KCNK7: variants seen among roughly 807,000 people sequenced by gnomAD.
KCNK7 encodes potassium two pore domain channel subfamily K member 7, also known as potassium channel subfamily K member 7.
In KCNK7, 14 loss-of-function variants were observed where a neutral mutation model predicts 18.1. The ratio of observed to expected loss-of-function variants is 0.77; its 90% CI spans 0.51 to 1.21. The LOEUF is 1.21. Ranked by LOEUF, KCNK7 falls within the 50% of genes most tolerant of loss-of-function variation. KCNK7 has a pLI of 0.00. For synonymous variants in KCNK7, 188 were observed against 184.7 expected (o/e 1.02, Z -0.15); for missense variants, 385 against 387.3 (o/e 0.99, Z 0.05).
Position 65,592,867 on chromosome 11 carries a change from TTA to T in KCNK7, c.*136_*137del. 2.0e-6 allele frequency: 2 copies of T among 996,970 alleles called. No homozygotes were observed. Among genetic ancestry groups the T allele is most frequent in the Non-Finnish European group, 2.9e-6 (2 of 699,460 alleles). 61.8% of individuals were successfully genotyped at this position (996,970 alleles called of 1,614,324 possible). A position where few individuals can be genotyped will look rare whatever the true frequency, so the allele number is the denominator to read the frequency against. Reference sequence around the variant, plus strand: ...AAAATAGCCGAAGTCGTTGCTCATTTTATGATTAACAGTATCCTCTGAGGCCT... The same window carrying T: ...AAAATAGCCGAAGTCGTTGCTCATTTTGATTAACAGTATCCTCTGAGGCCT... On this transcript the variant is annotated 3_prime_UTR_variant, in exon 3 of 3. Transcript: ENST00000340313.
chr11:65,593,756 A>AAT lies in KCNK7; in HGVS notation c.437_438insAT (p.Val147LeufsTer10). The AAT allele has an allele frequency of 6.2e-7, 1 of 1,611,298 alleles. No homozygotes were observed. Among genetic ancestry groups the AAT allele is most frequent in the Non-Finnish European group, 8.5e-7 (1 of 1,179,270 alleles). On this transcript the variant is annotated frameshift_variant, in exon 2 of 3. Transcript: ENST00000340313. LOFTEE classifies it high-confidence loss of function. ...CCCAGGCACGTGGGCGGCTGAGCAC[A>AAT]GGCAGCAGGCAATGGCGCAGGGTGG...
At chr11:65,593,973 C>G in intron 1 of KCNK7, 99 bp from the exon 2 acceptor site, 6 of 1,334,978 alleles carry the variant, frequency 4.5e-6, no homozygotes, top group Non-Finnish European at 5.9e-6. Context: ...AGGCTGCCCT[C>G]TGGTGGCCTT....
chr11:65,593,706 G>T lies in KCNK7; in HGVS notation c.488C>A (p.Pro163Gln), dbSNP rs371448519. ...TGCCTGCAGCAGCGCAGCCCTGGCC[G>T]GTGACAGCTGCCAGTGGACCGCTAC... ...AWVAVHWQLSPARAALLQAVA... is the reference protein window; with the variant it reads ...AWVAVHWQLSQARAALLQAVA... Residue 163 changes from proline (P) to glutamine (Q), a missense_variant, in exon 2 of 3, where the codon CCG (proline) becomes CAG (glutamine). Pro to Gln is a moderately conservative substitution (Grantham distance 76). Coordinates refer to ENST00000340313, the MANE Select transcript of KCNK7 (RefSeq NM_033347.2). 1.2e-6 allele frequency: 2 copies of T among 1,608,634 alleles called. No homozygotes were observed. Among genetic ancestry groups the T allele is most frequent in the Non-Finnish European group, 1.7e-6 (2 of 1,179,180 alleles).
At position 65,592,842 on chromosome 11, in the gene KCNK7, A is replaced by G; in HGVS notation, c.*163T>C. On this transcript the variant is annotated 3_prime_UTR_variant, in exon 3 of 3. Transcript: ENST00000340313. The stretch of plus-strand genomic sequence containing the variant: ...AGGGAAGTCCCATTCGAAATAGTTG[A>G]AAATAGCCGAAGTCGTTGCTCATTT... 1 of 864,814 alleles carries G rather than the reference A, an allele frequency of 1.2e-6. No homozygotes were observed. Among genetic ancestry groups the G allele is most frequent in the East Asian group, 2.7e-5 (1 of 37,090 alleles). 53.6% of individuals were successfully genotyped at this position (864,814 alleles called of 1,614,324 possible).
rs766504198 is a variant in KCNK7 at position 65,595,701 on chromosome 11, C to G, written c.72G>C (p.Gly24=). 9 of 1,596,730 alleles carry G rather than the reference C, an allele frequency of 5.6e-6. No homozygotes were observed. The highest frequency in any genetic ancestry group is 1.7e-5 in the Admixed American group (1 of 58,314). The change falls in exon 1 of 3, where the codon GGG becomes GGC. Residue 24 remains glycine, a synonymous_variant. Transcript: ENST00000340313. ...CCTCCAGGGCCTGGAACACCACAGCCCCAAGCCCCAGGGCCAGCAAGTGGG... is the reference window on the plus strand; with the variant it reads ...CCTCCAGGGCCTGGAACACCACAGCGCCAAGCCCCAGGGCCAGCAAGTGGG... ...VVAHLLALGL[G]AVVFQALEGP...
At position 65,592,984 on chromosome 11, in the gene KCNK7, T is replaced by A; in HGVS notation, c.*21A>T. 6.2e-7 allele frequency: 1 copy of A among 1,609,136 alleles called. No homozygotes were observed. Among genetic ancestry groups the A allele is most frequent in the Non-Finnish European group, 8.5e-7 (1 of 1,178,186 alleles). On this transcript the variant is annotated 3_prime_UTR_variant, in exon 3 of 3. Transcript: ENST00000340313. ...CTCAGGTGCCGCCACCTTACGGAGC[T>A]GAACTCGGTCACCTGACGCTTCAGC...
rs1858456191 is a variant in KCNK7, at chr11:65,593,210, C to T, written c.719G>A (p.Gly240Asp). 18 of 1,613,128 alleles carry T rather than the reference C, an allele frequency of 1.1e-5. No individual in the cohort carries two copies. The highest frequency in any genetic ancestry group is 2.2e-5 in the South Asian group (2 of 90,908). The change falls in exon 3 of 3, where the codon GGT becomes GAT. Residue 240 changes from glycine (G) to aspartate (D), a missense_variant and splice_region_variant. By Grantham distance (94) the Gly-to-Asp change is moderately conservative. Transcript: ENST00000340313. Reference sequence around the variant, plus strand: ...GGCCAAGAGTCCTAGAAGCAAGTAACCTGGGGAGGAGAAGGTGCTGGGGCA... The same window carrying T: ...GGCCAAGAGTCCTAGAAGCAAGTAATCTGGGGAGGAGAAGGTGCTGGGGCA... Reference protein sequence around the residue: ...IYHLGQLALLGYLLLGLLAML... With the variant: ...IYHLGQLALLDYLLLGLLAML...
Position 65,594,443 on chromosome 11 carries a change from A to G in KCNK7, c.320-569T>C, listed in dbSNP as rs191519144. On this transcript the variant is annotated intron_variant, in intron 1 of 2. Transcript: ENST00000340313. ...CGGAGCCAGATGGGAGACAAACAGG[A>G]GTGGTGGGGACAGGGGTACACTGGA... Among the ~76,000 whole-genome samples the G allele has an allele frequency of 8.5e-5, 13 of 152,222 alleles. No individual in the cohort carries two copies. In the East Asian group the frequency reaches 2.5e-3, roughly 30 times the overall value.
intron 1 of KCNK7, 137 bp from the exon 2 acceptor site, chr11:65,594,011 G>T: frequency 2.3e-6 from 2 of 874,366 alleles, no homozygotes; most frequent in Non-Finnish European, 3.3e-6. Context: ...GTTCTAGCTG[G>T]CTCTGCTCCT....
At position 65,593,716 on chromosome 11, in the gene KCNK7, G is replaced by C. The variant is rs907578813; in HGVS notation, c.478C>G (p.Gln160Glu). ...AGCGCAGCCCTGGCCGGTGACAGCT[G>C]CCAGTGGACCGCTACCCAGGCACGT... ...RPRAWVAVHW[Q>E]LSPARAALLQ... is the part of the protein sequence containing the mutation. Residue 160 changes from glutamine to glutamate, a missense_variant, in exon 2 of 3, where the codon CAG (glutamine) becomes GAG (glutamate). Transcript: ENST00000340313. 6.8e-6 allele frequency: 11 copies of C among 1,609,548 alleles called. No homozygotes were observed. Among genetic ancestry groups the C allele is most frequent in the African/African-American group, 1.3e-5 (1 of 74,918 alleles).
chr11:65,593,358 C>T (rs776504376), intron 2 of KCNK7, 118 bp downstream of exon 2: 52 of 1,613,936 alleles, frequency 3.2e-5, no homozygotes, highest in East Asian at 1.8e-4. Flanking sequence ...CCTCCCACGC[C>T]GTGCCCTGGA....
Position 65,593,718 on chromosome 11 carries a change from C to CA in KCNK7, c.475dup (p.Trp159LeufsTer100). 1 of 1,609,858 alleles carries CA rather than the reference C, an allele frequency of 6.2e-7. No homozygotes were observed. The highest frequency in any genetic ancestry group is 1.3e-5 in the African/African-American group (1 of 75,042). On this transcript the variant is annotated frameshift_variant, in exon 2 of 3. Transcript: ENST00000340313. LOFTEE classifies it high-confidence loss of function. ...CGCAGCCCTGGCCGGTGACAGCTGC[C>CA]AGTGGACCGCTACCCAGGCACGTGG...
In KCNK7 at chr11:65,595,763, G is replaced by T; in HGVS notation, c.10C>A (p.Leu4Ile). 1 of 1,534,350 alleles carries T rather than the reference G, an allele frequency of 6.5e-7. No individual in the cohort carries two copies. The highest frequency in any genetic ancestry group is 2.4e-5 in the East Asian group (1 of 42,342). MGG[L>I]RPWSRYGLLV... Reference sequence around the variant, plus strand: ...AGCCCGTATCGGGACCAGGGCCTTAGACCCCCCATGGCAGGCCGCTGGGGT... The same window carrying T: ...AGCCCGTATCGGGACCAGGGCCTTATACCCCCCATGGCAGGCCGCTGGGGT... The change falls in exon 1 of 3, where the codon CTA (leucine) becomes ATA (isoleucine). Residue 4 changes from leucine to isoleucine, a missense_variant. Coordinates refer to ENST00000340313, the MANE Select transcript of KCNK7 (RefSeq NM_033347.2).
intron 1 of KCNK7, among the ~76,000 whole-genome samples, chr11:65,594,696 C>T (rs940004330): frequency 6.6e-6 from 1 of 152,004 alleles, no homozygotes; most frequent in Admixed American, 6.6e-5. Flanking sequence ...ATGGCAAAAC[C>T]CCGTCTCTAC....
chr11:65,595,356 T>C, intron 1 of KCNK7, 98 bp downstream of exon 1: 1 of 1,150,290 alleles, frequency 8.7e-7, no homozygotes, highest in South Asian at 2.8e-5. Context: ...CATCTGGCTC[T>C]TTGGGGCTGA....
chr11:65,593,939 TACCCCAATACTGCCTTCCGCA>T (rs1223608200), intron 1 of KCNK7, 65 bp from the exon 2 acceptor site: 73 of 1,452,596 alleles, frequency 5.0e-5, no homozygotes, highest in Non-Finnish European at 6.1e-5. Flanking sequence ...GGTCCCTGCC[TACCCCAATACTGCCTTCCGCA>T]GAAGGCTGCC....
rs370566612 is a variant in KCNK7, at chr11:65,593,666, C to T, written c.528G>A (p.Leu176=). The T allele has an allele frequency of 3.7e-6, 6 of 1,604,996 alleles. No individual in the cohort carries two copies. The highest frequency in any genetic ancestry group is 5.1e-6 in the Non-Finnish European group (6 of 1,178,958). Reference sequence around the variant, plus strand: ...GCAGCACAAAGCTGCTGGCCACCAGCAGTCCCAGTGCAACTGCCTGCAGCA... The same window carrying T: ...GCAGCACAAAGCTGCTGGCCACCAGTAGTCCCAGTGCAACTGCCTGCAGCA... ...AALLQAVALG[L]LVASSFVLLP... is the part of the protein sequence containing the mutation. The change falls in exon 2 of 3, where the codon CTG becomes CTA. Residue 176 remains leucine, a synonymous_variant. Transcript: ENST00000340313.
chr11:65,593,334 G>A (rs1380675167), intron 2 of KCNK7, 124 bp from the exon 3 acceptor site: 13 of 1,613,938 alleles, frequency 8.1e-6, no homozygotes, highest in African/African-American at 1.3e-5. Context: ...TGCCACCAGA[G>A]CTCTTCGACT....
rs764386862 is a variant in KCNK7, at chr11:65,595,787, G to C, written c.-15C>G. The C allele has an allele frequency of 1.6e-5, 24 of 1,470,024 alleles. No individual in the cohort carries two copies. Among genetic ancestry groups the C allele is most frequent in the Admixed American group, 2.4e-5 (1 of 41,902 alleles). The allele number at this position is 1,470,024 out of a possible 1,614,324, so 91.1% of individuals were successfully genotyped here. A position where few individuals can be genotyped will look rare whatever the true frequency, so the allele number is the denominator to read the frequency against. On this transcript the variant is annotated 5_prime_UTR_variant, in exon 1 of 3. Transcript: ENST00000340313. ...AGACCCCCCATGGCAGGCCGCTGGG[G>C]TGCTGTGGGAACTGGCGGCTCCACC...
Sources: gnomAD v4.1 joint callset for allele counts (sites outside exome capture counted in the v4.1 genomes callset) on GRCh38, gnomAD v4.1.1 for gene constraint, MANE v1.5 for transcripts, NCBI Gene and HGNC (gene_info 2026-07-23, HGNC 2026-07-21) for gene names.